CDH12: variants seen among roughly 807,000 people sequenced by gnomAD.
The protein encoded by CDH12 is cadherin-12.
A neutral mutation model predicts 74.1 loss-of-function variants in CDH12; 41 were observed. That is an observed-to-expected ratio of 0.55 (90% CI 0.43 to 0.72). CDH12 has a LOEUF of 0.72. Ranked by LOEUF, CDH12 falls within the 30% of genes least tolerant of loss-of-function variation. The pLI is 0.00. For synonymous variants in CDH12, 399 were observed against 355.0 expected (o/e 1.12, Z -1.39); for missense variants, 945 against 977.2 (o/e 0.97, Z 0.44).
intron 3 of CDH12, among the ~76,000 whole-genome samples, chr5:22,361,386 C>G (rs1420310055): frequency 6.6e-6 from 1 of 152,094 alleles, no homozygotes; most frequent in South Asian, 2.1e-4. Flanking sequence ...TGTGAAGGAC[C>G]TCTTCAAGGA....
intron 2 of CDH12, among the ~76,000 whole-genome samples, chr5:22,438,193 T>C (rs569880981): frequency 6.6e-6 from 1 of 152,194 alleles, no homozygotes; most frequent in South Asian, 2.1e-4. Flanking sequence ...AGTTCCCCTC[T>C]CATAGGCTTG....
In CDH12 at chr5:22,702,823, T is replaced by A. The variant is rs1190655102; in HGVS notation, c.-523+150235A>T. Among the ~76,000 whole-genome samples, 3 of 152,250 alleles carry A rather than the reference T, an allele frequency of 2.0e-5. No individual in the cohort carries two copies. The East Asian group carries it at 5.8e-4, about 29-fold the overall frequency. On this transcript the variant is annotated intron_variant, in intron 1 of 14. Coordinates refer to ENST00000382254, the MANE Select transcript of CDH12 (RefSeq NM_004061.5). ...GTTTGCATGAGAGACCCTGGTCCTT[T>A]GATCTGCTATTATCAAATAATGCTC... is the stretch of plus-strand genomic sequence containing the variant.
chr5:22,131,393 G>C (rs990805248), intron 4 of CDH12, among the ~76,000 whole-genome samples: 2 of 152,024 alleles, frequency 1.3e-5, no homozygotes, highest in African/African-American at 2.4e-5. Context: ...TCTGACCATA[G>C]TCCTAACCCA....
At chr5:22,670,048 C>T (rs1422832482) in intron 1 of CDH12, among the ~76,000 whole-genome samples, 1 of 151,828 alleles carries the variant, frequency 6.6e-6, no homozygotes, top group Non-Finnish European at 1.5e-5. Context: ...AGGAGTTAAG[C>T]AAAAGGAAAA....
At chr5:22,616,028 T>G (rs1737671032) in intron 1 of CDH12, among the ~76,000 whole-genome samples, 1 of 152,150 alleles carries the variant, frequency 6.6e-6, no homozygotes, top group African/African-American at 2.4e-5. Flanking sequence ...TGATGATTCG[T>G]CCTGGCAACA....
chr5:22,013,989 G>A (rs1460340967), intron 5 of CDH12, among the ~76,000 whole-genome samples: 5 of 152,132 alleles, frequency 3.3e-5, no homozygotes, highest in Non-Finnish European at 7.3e-5. Context: ...CACTTTGGGA[G>A]GCTGAGGCAG....
chr5:22,090,881 G>A (rs1004858420), intron 4 of CDH12, among the ~76,000 whole-genome samples: 13 of 151,864 alleles, frequency 8.6e-5, no homozygotes, highest in Non-Finnish European at 1.5e-4. Flanking sequence ...TTTTCAATAT[G>A]TTTTATTGAT....
chr5:22,361,427 A>G (rs971662353), intron 3 of CDH12, among the ~76,000 whole-genome samples: 40 of 151,426 alleles, frequency 2.6e-4, no homozygotes, highest in African/African-American at 9.6e-4. Context: ...ATGAAATAAA[A>G]GAGGACACAA....
chr5:22,119,550 A>G (rs1384479762), intron 4 of CDH12, among the ~76,000 whole-genome samples: 1 of 152,046 alleles, frequency 6.6e-6, no homozygotes, highest in Non-Finnish European at 1.5e-5. Flanking sequence ...TTGGCCTTCC[A>G]AAGTGCTGGG....
At chr5:22,791,858 C>T (rs1747924343) in intron 1 of CDH12, among the ~76,000 whole-genome samples, 1 of 152,118 alleles carries the variant, frequency 6.6e-6, no homozygotes. Flanking sequence ...GTGATCCAAT[C>T]ACCTCCCACA....
chr5:21,984,655 G>A (rs576195269), intron 5 of CDH12, among the ~76,000 whole-genome samples: 1 of 152,164 alleles, frequency 6.6e-6, no homozygotes, highest in African/African-American at 2.4e-5. Flanking sequence ...TTGTTCCTCT[G>A]TTATAAATTA....
intron 4 of CDH12, among the ~76,000 whole-genome samples, chr5:22,145,044 G>T (rs563960680): frequency 6.6e-6 from 1 of 152,132 alleles, no homozygotes; most frequent in South Asian, 2.1e-4. Context: ...TCATTATTTT[G>T]CAGAAGAAGA....
chr5:22,204,520 A>G (rs1751113066), intron 4 of CDH12, among the ~76,000 whole-genome samples: 1 of 152,212 alleles, frequency 6.6e-6, no homozygotes, highest in Non-Finnish European at 1.5e-5. Flanking sequence ...AAGTAGTAAA[A>G]AATACAATGT....
chr5:22,686,663 CCT>C (rs1413001300), intron 1 of CDH12, among the ~76,000 whole-genome samples: 1 of 152,112 alleles, frequency 6.6e-6, no homozygotes, highest in Non-Finnish European at 1.5e-5. Flanking sequence ...CTCTTCTAAG[CCT>C]CTGTCTCTTA....
intron 8 of CDH12, among the ~76,000 whole-genome samples, chr5:21,835,216 C>A (rs1749462945): frequency 1.3e-5 from 2 of 151,784 alleles, no homozygotes; most frequent in Admixed American, 1.3e-4. Context: ...ACTCAAATAA[C>A]AGGAAATATT....
intron 4 of CDH12, among the ~76,000 whole-genome samples, chr5:22,171,116 C>A (rs1261485290): frequency 1.3e-5 from 2 of 151,808 alleles, no homozygotes; most frequent in Non-Finnish European, 2.9e-5. Flanking sequence ...CTTGCATGGT[C>A]CACTGAACAG....
At chr5:22,726,149 C>A in intron 1 of CDH12, among the ~76,000 whole-genome samples, 1 of 151,832 alleles carries the variant, frequency 6.6e-6, no homozygotes, top group South Asian at 2.1e-4. Flanking sequence ...ATGATAATAT[C>A]ATACAGAGTA....
chr5:22,583,004 C>T (rs1740182426), intron 1 of CDH12, among the ~76,000 whole-genome samples: 2 of 151,972 alleles, frequency 1.3e-5, no homozygotes, highest in African/African-American at 4.8e-5. Context: ...ACAACTGGGC[C>T]AGTAGAGAGA....
At chr5:22,144,620 C>T (rs1307091643) in intron 4 of CDH12, among the ~76,000 whole-genome samples, 1 of 152,044 alleles carries the variant, frequency 6.6e-6, no homozygotes, top group East Asian at 1.9e-4. Flanking sequence ...TTTCCTATAT[C>T]CAAGTTTAAC....
Sources: allele counts gnomAD v4.1 joint callset (sites outside exome capture counted in the v4.1 genomes callset), GRCh38; gene constraint gnomAD v4.1.1; transcripts MANE v1.5; gene names NCBI Gene and HGNC (gene_info 2026-07-23, HGNC 2026-07-21).